PDE11A: variants seen among roughly 807,000 people sequenced by gnomAD.
The protein encoded by PDE11A is dual 3',5'-cyclic-AMP and -GMP phosphodiesterase 11A.
PDE11A carries 100 observed loss-of-function variants against 100.5 expected under a neutral mutation model. The observed-to-expected ratio is 1.00, with a 90% CI of 0.85 to 1.18. The LOEUF is 1.18. PDE11A is among the 50% of genes most tolerant of loss of function. The pLI, the probability that PDE11A is intolerant of heterozygous loss-of-function variation, is 0.00. For missense variants in PDE11A, 1,141 were observed against 1,152.6 expected (o/e 0.99, Z 0.15); for synonymous variants, 381 against 420.8 (o/e 0.91, Z 1.16).
intron 2 of PDE11A, among the ~76,000 whole-genome samples, chr2:178,009,975 A>G (rs1299393061): frequency 6.6e-6 from 1 of 152,216 alleles, no homozygotes; most frequent in East Asian, 1.9e-4. Context: ...CATGGCAGTT[A>G]TGTGTATAAA....
chr2:178,026,684 A>G (rs1185567959), intron 1 of PDE11A, among the ~76,000 whole-genome samples: 1 of 151,998 alleles, frequency 6.6e-6, no homozygotes, highest in Non-Finnish European at 1.5e-5. Context: ...GAAAAGAAAA[A>G]AGTAATTTTT....
At chr2:177,934,381 A>C (rs896841522) in intron 2 of PDE11A, among the ~76,000 whole-genome samples, 1 of 152,242 alleles carries the variant, frequency 6.6e-6, no homozygotes, top group African/African-American at 2.4e-5. Context: ...AACATGTAAA[A>C]AAATGCTCCA....
At chr2:177,999,506 A>G (rs2086117553) in intron 2 of PDE11A, among the ~76,000 whole-genome samples, 1 of 152,238 alleles carries the variant, frequency 6.6e-6, no homozygotes, top group African/African-American at 2.4e-5. Flanking sequence ...GAGAAAGAAG[A>G]CAGATATGGA....
At chr2:177,884,548 T>C (rs888684487) in intron 4 of PDE11A, among the ~76,000 whole-genome samples, 3 of 151,766 alleles carry the variant, frequency 2.0e-5, no homozygotes, top group Non-Finnish European at 4.4e-5. Context: ...GGGGTAGAGG[T>C]GAAGTAAAGG....
At chr2:177,894,864 T>C (rs1558995551) in intron 4 of PDE11A, among the ~76,000 whole-genome samples, 1 of 152,184 alleles carries the variant, frequency 6.6e-6, no homozygotes, top group Non-Finnish European at 1.5e-5. Context: ...ACCTGTAACC[T>C]GTAAGTCCCT....
intron 7 of PDE11A, among the ~76,000 whole-genome samples, chr2:177,818,306 T>G (rs1391105649): frequency 1.0e-5 from 1 of 99,652 alleles, no homozygotes; most frequent in Non-Finnish European, 2.0e-5. Flanking sequence ...TATATATATA[T>G]GTGTGTATAT....
At chr2:177,696,080 G>A (rs903550454) in intron 15 of PDE11A, among the ~76,000 whole-genome samples, 4 of 152,178 alleles carry the variant, frequency 2.6e-5, no homozygotes, top group Non-Finnish European at 4.4e-5. Context: ...TCATGTAGGG[G>A]AGAAGTGGAA....
At chr2:178,026,683 A>G (rs2086483129) in intron 1 of PDE11A, among the ~76,000 whole-genome samples, 1 of 152,036 alleles carries the variant, frequency 6.6e-6, no homozygotes, top group African/African-American at 2.4e-5. Flanking sequence ...AGAAAAGAAA[A>G]AAGTAATTTT....
intron 14 of PDE11A, 79 bp downstream of exon 14, chr2:177,701,042 A>C: frequency 6.0e-6 from 5 of 826,774 alleles, no homozygotes; most frequent in Non-Finnish European, 1.1e-5. Flanking sequence ...TACCTGTGGC[A>C]CCACAAAGGA....
chr2:177,844,770 T>G (rs1045348635), intron 5 of PDE11A, among the ~76,000 whole-genome samples: 2 of 151,038 alleles, frequency 1.3e-5, no homozygotes, highest in African/African-American at 4.8e-5. Flanking sequence ...CAAGCATCTG[T>G]TTAACAAAGC....
intron 6 of PDE11A, among the ~76,000 whole-genome samples, chr2:177,830,839 A>G (rs1487219007): frequency 6.6e-6 from 1 of 151,914 alleles, no homozygotes; most frequent in Non-Finnish European, 1.5e-5. Flanking sequence ...TTGTACTACT[A>G]TAAATAAATA....
chr2:177,929,960 TC>T (rs1440336218), intron 2 of PDE11A, among the ~76,000 whole-genome samples: 1 of 152,148 alleles, frequency 6.6e-6, no homozygotes, highest in East Asian at 1.9e-4. Context: ...CAAAATACAC[TC>T]CCTGCCAAGT....
At chr2:177,992,288 C>T (rs1404111240) in intron 2 of PDE11A, among the ~76,000 whole-genome samples, 3 of 151,276 alleles carry the variant, frequency 2.0e-5, no homozygotes, top group Non-Finnish European at 4.4e-5. Flanking sequence ...AGTTTTCAAA[C>T]AGTATATAAA....
At chr2:177,730,405 AGAT>A (rs1387753984) in intron 10 of PDE11A, among the ~76,000 whole-genome samples, 1 of 152,176 alleles carries the variant, frequency 6.6e-6, no homozygotes, top group Admixed American at 6.5e-5. Flanking sequence ...AGCTCTTTGA[AGAT>A]CTCTTCCTCT....
At chr2:177,725,307 T>G (rs2081584416) in intron 12 of PDE11A, among the ~76,000 whole-genome samples, 2 of 152,158 alleles carry the variant, frequency 1.3e-5, no homozygotes, top group South Asian at 4.1e-4. Context: ...AGAAGATACT[T>G]ACGTTAGAGA....
chr2:177,789,220 A>G (rs1574143734), intron 9 of PDE11A, among the ~76,000 whole-genome samples: 1 of 152,208 alleles, frequency 6.6e-6, no homozygotes, highest in East Asian at 1.9e-4. Context: ...CCTGGGATGC[A>G]AGGCTGGCTC....
chr2:177,651,717 C>T (rs2080311983), intron 19 of PDE11A, among the ~76,000 whole-genome samples: 1 of 151,978 alleles, frequency 6.6e-6, no homozygotes. Flanking sequence ...CTGTTCAGAT[C>T]ACCTGTAACA....
At chr2:178,078,535 G>C (rs2087243679) in intron 2 of PDE11A, among the ~76,000 whole-genome samples, 1 of 151,942 alleles carries the variant, frequency 6.6e-6, no homozygotes, top group Admixed American at 6.6e-5. Context: ...AAGATATCTT[G>C]GTGAACGATA....
chr2:178,097,744 A>G (rs1258644990), intron 2 of PDE11A, among the ~76,000 whole-genome samples: 1 of 152,202 alleles, frequency 6.6e-6, no homozygotes, highest in Admixed American at 6.5e-5. Flanking sequence ...GAAATGGAAA[A>G]AATAGTTTTA....
Sources: gnomAD v4.1 joint callset for allele counts (sites outside exome capture counted in the v4.1 genomes callset) on GRCh38, gnomAD v4.1.1 for gene constraint, MANE v1.5 for transcripts, NCBI Gene and HGNC (gene_info 2026-07-23, HGNC 2026-07-21) for gene names.